CDC14A: variants seen among roughly 807,000 people sequenced by gnomAD.
CDC14A encodes cell division cycle 14A.
In CDC14A, 53 loss-of-function variants were observed where a neutral mutation model predicts 74.4. That is an observed-to-expected ratio of 0.71 (90% confidence interval 0.57 to 0.89). The LOEUF (loss-of-function observed/expected upper bound fraction) is 0.89, where lower values mean the gene tolerates loss of function less well. CDC14A is among the 40% of genes least tolerant of loss of function. CDC14A has a pLI of 0.00. For missense variants in CDC14A, 646 were observed against 713.7 expected (o/e 0.91, Z 1.08); for synonymous variants, 247 against 258.4 (o/e 0.96, Z 0.43).
chr1:100,380,547 G>A (rs950896096), intron 3 of CDC14A, among the ~76,000 whole-genome samples: 9 of 152,162 alleles, frequency 5.9e-5, no homozygotes, highest in African/African-American at 2.2e-4. Context: ...CTTGGAAAAT[G>A]CCTTTGTTAC....
At chr1:100,420,970 G>A (rs146919933) in intron 4 of CDC14A, among the ~76,000 whole-genome samples, 113 of 152,192 alleles carry the variant, frequency 7.4e-4, no homozygotes, top group Admixed American at 1.6e-3. Context: ...CTTTAATTGG[G>A]TGACTCCTGC....
At chr1:100,453,997 G>A (rs7524116) in intron 7 of CDC14A, among the ~76,000 whole-genome samples, 41,750 of 152,004 alleles carry the variant, frequency 0.27, 7,689 homozygotes, top group African/African-American at 0.52. Flanking sequence ...TTTATAAGAT[G>A]GTATGCACAG....
intron 10 of CDC14A, among the ~76,000 whole-genome samples, chr1:100,481,815 G>A (rs756981695): frequency 6.6e-6 from 1 of 152,182 alleles, no homozygotes; most frequent in Non-Finnish European, 1.5e-5. Context: ...CTTTGAGCTG[G>A]TGTGTTGGCT....
intron 3 of CDC14A, among the ~76,000 whole-genome samples, chr1:100,388,637 T>C (rs1657204489): frequency 6.6e-6 from 1 of 152,176 alleles, no homozygotes; most frequent in Non-Finnish European, 1.5e-5. Context: ...GACAAATTCT[T>C]GTTCTGTTGC....
chr1:100,441,654 T>G (rs1664943701), intron 6 of CDC14A, among the ~76,000 whole-genome samples: 1 of 152,110 alleles, frequency 6.6e-6, no homozygotes, highest in Non-Finnish European at 1.5e-5. Context: ...AACTCAGTTT[T>G]TTTTTTTTTT....
intron 8 of CDC14A, among the ~76,000 whole-genome samples, chr1:100,458,979 T>A (rs1320179242): frequency 1.3e-5 from 2 of 152,150 alleles, no homozygotes; most frequent in African/African-American, 4.8e-5. Flanking sequence ...TTAAACATTT[T>A]TGAATTGATA....
intron 14 of CDC14A, among the ~76,000 whole-genome samples, chr1:100,498,447 A>G (rs1648199580): frequency 6.6e-6 from 1 of 152,180 alleles, no homozygotes; most frequent in South Asian, 2.1e-4. Context: ...GCTTAGTGTG[A>G]TCCAGAAAAT....
chr1:100,500,540 C>T (rs1323841280), intron 15 of CDC14A, among the ~76,000 whole-genome samples: 1 of 151,956 alleles, frequency 6.6e-6, no homozygotes, highest in Non-Finnish European at 1.5e-5. Flanking sequence ...GGTGGATCAC[C>T]TGAGGTCAGG....
At chr1:100,494,422 G>T (rs1647465433) in intron 11 of CDC14A, among the ~76,000 whole-genome samples, 1 of 152,086 alleles carries the variant, frequency 6.6e-6, no homozygotes, top group Non-Finnish European at 1.5e-5. Context: ...TTGTAAACAG[G>T]TTATGGAATT....
intron 2 of CDC14A, among the ~76,000 whole-genome samples, chr1:100,356,324 A>G (rs1485946842): frequency 1.3e-5 from 2 of 152,176 alleles, no homozygotes; most frequent in Non-Finnish European, 2.9e-5. Flanking sequence ...TAGGTGCTCT[A>G]TAACTATTAA....
chr1:100,357,766 G>C (rs1195336866), intron 2 of CDC14A, among the ~76,000 whole-genome samples: 1 of 145,042 alleles, frequency 6.9e-6, no homozygotes, highest in African/African-American at 2.5e-5. Context: ...AAAAAAGAAA[G>C]AAATGCTGCT....
intron 13 of CDC14A, 103 bp from the exon 14 acceptor site, chr1:100,497,982 A>G (rs1263194718): frequency 2.4e-6 from 3 of 1,265,402 alleles, no homozygotes; most frequent in Non-Finnish European, 3.3e-6. Flanking sequence ...AGGACCTGTC[A>G]TGATATCTTT....
At position 100,346,034 on chromosome 1, in the gene CDC14A, G is replaced by T. The variant is rs373256812; in HGVS notation, c.-126+851G>T. ...AAAAATACAAAAATTCACTGGGTGT[G>T]GGGGTGGGCACCTGTAATCCCAGCT... On this transcript the variant is annotated intron_variant, in intron 1 of 14. Transcript: ENST00000635056. Among the ~76,000 whole-genome samples, 6 of 152,194 alleles carry T rather than the reference G, an allele frequency of 3.9e-5. No individual in the cohort carries two copies. In the East Asian group the frequency reaches 7.7e-4, roughly 20 times the overall value.
At position 100,498,162 on chromosome 1, in the gene CDC14A, A is replaced by G. The variant is rs977317605; in HGVS notation, c.1376A>G (p.Lys459Arg). 6.2e-7 allele frequency: 1 copy of G among 1,614,136 alleles called. No homozygotes were observed. The highest frequency in any genetic ancestry group is 8.5e-7 in the Non-Finnish European group (1 of 1,179,962). Reference protein sequence around the residue: ...KMALSPSATAKRINRTSLSSG... With the variant: ...KMALSPSATARRINRTSLSSG... ...GCACTGTCCCCTTCAGCAACGGCCA[A>G]GAGGATCAACAGAACTTCTTTGTCT... is the stretch of plus-strand genomic sequence containing the variant. The change falls in exon 14 of 16, where the codon AAG (lysine) becomes AGG (arginine). Residue 459 changes from lysine to arginine, a missense_variant. Lys to Arg is a conservative substitution (Grantham distance 26, BLOSUM62 2). Transcript: ENST00000336454.
intron 5 of CDC14A, 54 bp downstream of exon 5, chr1:100,424,355 T>C: frequency 1.6e-6 from 2 of 1,221,554 alleles, no homozygotes; most frequent in East Asian, 4.6e-5. Flanking sequence ...CTGGACACTT[T>C]AGAGTTGGGT....
At chr1:100,411,289 C>G (rs1193396742) in intron 4 of CDC14A, among the ~76,000 whole-genome samples, 2 of 152,196 alleles carry the variant, frequency 1.3e-5, no homozygotes, top group East Asian at 1.9e-4. Flanking sequence ...TACCTCTTTT[C>G]TCCTCTATCA....
At chr1:100,390,538 T>A (rs1423110955) in intron 3 of CDC14A, among the ~76,000 whole-genome samples, 194 bp from the exon 4 acceptor site, 2 of 152,208 alleles carry the variant, frequency 1.3e-5, no homozygotes, top group Non-Finnish European at 2.9e-5. Flanking sequence ...TGTTGATTCT[T>A]ACATTATGAT....
chr1:100,454,254 G>T (rs1666445033), intron 7 of CDC14A, among the ~76,000 whole-genome samples: 1 of 152,046 alleles, frequency 6.6e-6, no homozygotes, highest in Non-Finnish European at 1.5e-5. Context: ...GCCATATAAT[G>T]GGGGGAGAAA....
At chr1:100,393,608 T>C (rs111227836) in intron 4 of CDC14A, 2 of 678,376 alleles carry the variant, frequency 2.9e-6, no homozygotes, top group African/African-American at 3.5e-5. Flanking sequence ...CCACCAGCAC[T>C]GCAGCTGCTT....
Sources: gnomAD v4.1 joint callset for allele counts (sites outside exome capture counted in the v4.1 genomes callset) on GRCh38, gnomAD v4.1.1 for gene constraint, MANE v1.5 for transcripts, NCBI Gene and HGNC (gene_info 2026-07-23, HGNC 2026-07-21) for gene names.